The following ANKDD1B variants were observed in gnomAD, a reference collection of about 807,000 sequenced individuals.
The protein encoded by ANKDD1B is ankyrin repeat and death domain-containing protein 1B.
ANKDD1B carries 57 observed loss-of-function variants against 59.7 expected under a neutral mutation model. The ratio of observed to expected loss-of-function variants is 0.95; its 90% CI spans 0.77 to 1.19. The LOEUF is 1.19. ANKDD1B is among the 50% of genes most tolerant of loss of function. ANKDD1B has a pLI of 0.00. For synonymous variants in ANKDD1B, 216 were observed against 239.5 expected (o/e 0.90, Z 0.91); for missense variants, 602 against 641.9 (o/e 0.94, Z 0.67).
intron 10 of ANKDD1B, among the ~76,000 whole-genome samples, chr5:75,660,774 C>T (rs1245777220): frequency 2.0e-5 from 3 of 152,204 alleles, no homozygotes; most frequent in Non-Finnish European, 4.4e-5. Context: ...TGGAGAGATT[C>T]TGATGACATT....
In ANKDD1B at chr5:75,666,801, G is replaced by GA; in HGVS notation, c.1202dup (p.Ser402GlufsTer40). On this transcript the variant is annotated frameshift_variant, in exon 12 of 14. Transcript: ENST00000601380. LOFTEE classifies it high-confidence loss of function. ...ATTATTTTCACTTTAGGAGCATCAT[G>GA]AGAGCATCAGGGACCCGTCAACAGG... is the stretch of plus-strand genomic sequence containing the variant. The GA allele has an allele frequency of 3.9e-6, 6 of 1,534,446 alleles. No homozygotes were observed. The highest frequency in any genetic ancestry group is 5.2e-6 in the Non-Finnish European group (6 of 1,145,480).
At position 75,634,879 on chromosome 5, in the gene ANKDD1B, G is replaced by T; in HGVS notation, c.601-19G>T. ...ACTAAGACTGTAATAAATGCTTGAG[G>T]TTTGTGATTGATTTTTAGAAAGGAA... On this transcript the variant is annotated intron_variant, in intron 5 of 13. Transcript: ENST00000601380. The T allele has an allele frequency of 3.5e-6, 5 of 1,446,566 alleles. No homozygotes were observed. The highest frequency in any genetic ancestry group is 2.0e-5 in the Admixed American group (1 of 50,798). The allele number at this position is 1,446,566 out of a possible 1,614,324, so 89.6% of individuals were successfully genotyped here.
chr5:75,663,236 G>A (rs1775205984), intron 10 of ANKDD1B, among the ~76,000 whole-genome samples, 158 bp from the exon 11 acceptor site: 1 of 152,164 alleles, frequency 6.6e-6, no homozygotes, highest in East Asian at 1.9e-4. Flanking sequence ...CTCCACTATG[G>A]GGTAGTTATA....
At chr5:75,614,856 T>C (rs1320228556) in intron 1 of ANKDD1B, among the ~76,000 whole-genome samples, 1 of 152,230 alleles carries the variant, frequency 6.6e-6, no homozygotes, top group Admixed American at 6.5e-5. Context: ...ACAAAGCAAG[T>C]AGCAGTTGGA....
chr5:75,624,897 A>T (rs1218166675), intron 3 of ANKDD1B, among the ~76,000 whole-genome samples: 1 of 152,214 alleles, frequency 6.6e-6, no homozygotes, highest in Non-Finnish European at 1.5e-5. Context: ...CATATTTAGC[A>T]AAGCTCATGG....
chr5:75,650,464 C>T (rs1774799010), intron 7 of ANKDD1B, among the ~76,000 whole-genome samples: 1 of 152,224 alleles, frequency 6.6e-6, no homozygotes, highest in Admixed American at 6.5e-5. Context: ...GAACATAGGT[C>T]TGCGAACTTC....
chr5:75,668,180 G>A (rs1450526281), intron 12 of ANKDD1B, among the ~76,000 whole-genome samples: 3 of 152,092 alleles, frequency 2.0e-5, no homozygotes, highest in Non-Finnish European at 4.4e-5. Context: ...AAAGTGTTTC[G>A]ATGGAACCTT....
At chr5:75,635,075 T>C (rs1774263715) in intron 6 of ANKDD1B, 79 bp downstream of exon 6, 5 of 951,764 alleles carry the variant, frequency 5.3e-6, no homozygotes, top group African/African-American at 1.6e-5. Context: ...ACAATTGGCA[T>C]GTAGATTTGG....
intron 9 of ANKDD1B, 63 bp downstream of exon 9, chr5:75,656,190 A>G: frequency 1.3e-6 from 1 of 775,480 alleles, no homozygotes; most frequent in East Asian, 2.9e-5. Flanking sequence ...GTGTGTGTTT[A>G]TGGGGAGTTT....
intron 7 of ANKDD1B, among the ~76,000 whole-genome samples, chr5:75,639,983 C>T (rs773947678): frequency 6.6e-5 from 10 of 152,050 alleles, no homozygotes; most frequent in South Asian, 2.1e-4. Context: ...TTGGTACAAA[C>T]GTACTTCTAA....
At chr5:75,613,622 G>A (rs188462380) in intron 1 of ANKDD1B, among the ~76,000 whole-genome samples, 7 of 152,288 alleles carry the variant, frequency 4.6e-5, no homozygotes, top group Admixed American at 3.9e-4. Context: ...AGTAAATTAC[G>A]TAGATTAGTA....
intron 7 of ANKDD1B, among the ~76,000 whole-genome samples, chr5:75,647,412 AC>A (rs1774661671): frequency 7.8e-6 from 1 of 127,994 alleles, no homozygotes; most frequent in African/African-American, 4.3e-5. Flanking sequence ...CAAGAAAAAA[AC>A]AAACAACCCC....
chr5:75,669,942 G>A (rs924791368), intron 13 of ANKDD1B, among the ~76,000 whole-genome samples: 1 of 152,210 alleles, frequency 6.6e-6, no homozygotes, highest in Admixed American at 6.5e-5. Flanking sequence ...AGGCGGTGTT[G>A]TAGCTCTCAT....
intron 10 of ANKDD1B, 36 bp downstream of exon 10, chr5:75,659,417 G>C: frequency 7.0e-7 from 1 of 1,419,808 alleles, no homozygotes; most frequent in Non-Finnish European, 9.6e-7. Flanking sequence ...CAGCTGAGAT[G>C]GTTGCTAAGA....
chr5:75,620,507 C>G (rs1447412502), intron 3 of ANKDD1B, 94 bp downstream of exon 3: 1 of 672,012 alleles, frequency 1.5e-6, no homozygotes, highest in African/African-American at 1.8e-5. Context: ...CACATACACA[C>G]AAAATATTTT....
At chr5:75,655,159 C>T (rs767122491) in intron 8 of ANKDD1B, among the ~76,000 whole-genome samples, 28 of 152,114 alleles carry the variant, frequency 1.8e-4, no homozygotes, top group East Asian at 3.8e-4. Flanking sequence ...GGCAAAGTGT[C>T]GGGGGTAGAT....
intron 5 of ANKDD1B, among the ~76,000 whole-genome samples, chr5:75,632,672 C>T (rs1157880319): frequency 6.6e-6 from 1 of 152,172 alleles, no homozygotes; most frequent in Non-Finnish European, 1.5e-5. Flanking sequence ...TGTTCCAGTG[C>T]ATTACCAACC....
chr5:75,668,940 T>C (rs966903820), intron 12 of ANKDD1B, among the ~76,000 whole-genome samples: 6 of 152,204 alleles, frequency 3.9e-5, no homozygotes, highest in African/African-American at 1.2e-4. Context: ...ACTGTGAGTT[T>C]GAAGAGCACT....
At chr5:75,642,235 T>G (rs1448965969) in intron 7 of ANKDD1B, among the ~76,000 whole-genome samples, 1 of 151,350 alleles carries the variant, frequency 6.6e-6, no homozygotes, top group African/African-American at 2.4e-5. Context: ...TCATGGGAGG[T>G]GGGAGGAGCC....
Sources: allele counts gnomAD v4.1 joint callset (sites outside exome capture counted in the v4.1 genomes callset), GRCh38; gene constraint gnomAD v4.1.1; transcripts MANE v1.5; gene names NCBI Gene and HGNC (gene_info 2026-07-23, HGNC 2026-07-21).